Variants in CACNA2D3 observed in about 807,000 individuals in gnomAD.
CACNA2D3 encodes the protein voltage-dependent calcium channel subunit alpha-2/delta-3.
A neutral mutation model predicts 160.6 loss-of-function variants in CACNA2D3; 60 were observed. The observed-to-expected ratio is 0.37, with a 90% CI of 0.30 to 0.46. CACNA2D3 has a LOEUF of 0.46. Among genes scored for constraint, CACNA2D3 ranks in the 20% least tolerant of loss-of-function variants. The pLI, the probability that CACNA2D3 is intolerant of heterozygous loss-of-function variation, is 1.00. For missense variants in CACNA2D3, 1,205 were observed against 1,365.0 expected (o/e 0.88, Z 1.85); for synonymous variants, 558 against 492.9 (o/e 1.13, Z -1.75).
At chr3:55,003,811 T>C (rs1243447867) in intron 31 of CACNA2D3, among the ~76,000 whole-genome samples, 2 of 152,174 alleles carry the variant, frequency 1.3e-5, no homozygotes, top group Admixed American at 6.5e-5. Context: ...GTGAATGAAA[T>C]GTCAGGAAAG....
At chr3:55,064,411 G>C (rs1046685331) in intron 35 of CACNA2D3, among the ~76,000 whole-genome samples, 5 of 152,092 alleles carry the variant, frequency 3.3e-5, no homozygotes, top group African/African-American at 1.2e-4. Context: ...CCGGTGAGGT[G>C]GGGGGCAGGG....
intron 11 of CACNA2D3, among the ~76,000 whole-genome samples, chr3:54,705,491 G>T (rs1187472022): frequency 6.6e-6 from 1 of 152,168 alleles, no homozygotes; most frequent in Non-Finnish European, 1.5e-5. Flanking sequence ...TTGTTGTTCT[G>T]ATTTGCTCCT....
At chr3:54,154,280 A>G (rs1233781724) in intron 2 of CACNA2D3, among the ~76,000 whole-genome samples, 1 of 152,224 alleles carries the variant, frequency 6.6e-6, no homozygotes, top group Non-Finnish European at 1.5e-5. Context: ...CAAGGTACTA[A>G]TCTCAGCACT....
At chr3:54,776,036 C>T (rs758926159) in intron 13 of CACNA2D3, among the ~76,000 whole-genome samples, 58 of 152,274 alleles carry the variant, frequency 3.8e-4, no homozygotes, top group Middle Eastern at 3.4e-3. Context: ...CAGTTGAGAT[C>T]CAAAAAGGAT....
intron 30 of CACNA2D3, among the ~76,000 whole-genome samples, chr3:54,985,432 G>A (rs1702593612): frequency 6.6e-6 from 1 of 152,134 alleles, no homozygotes. Flanking sequence ...ATAAAAAAAG[G>A]TAAAATACAA....
At chr3:54,897,289 T>C (rs143163075) in intron 26 of CACNA2D3, among the ~76,000 whole-genome samples, 31 of 152,318 alleles carry the variant, frequency 2.0e-4, no homozygotes, top group African/African-American at 7.2e-4. Context: ...TATGCCGGAC[T>C]AAGGACTGAC....
chr3:54,471,123 C>T (rs1575475088), intron 4 of CACNA2D3, among the ~76,000 whole-genome samples: 1 of 152,196 alleles, frequency 6.6e-6, no homozygotes, highest in Non-Finnish European at 1.5e-5. Flanking sequence ...CTCAGCACCA[C>T]ATCACACTTA....
chr3:54,292,010 C>A (rs955563975), intron 2 of CACNA2D3, among the ~76,000 whole-genome samples: 3 of 152,036 alleles, frequency 2.0e-5, no homozygotes, highest in African/African-American at 7.2e-5. Context: ...CAGAAACAAA[C>A]CCTCACAAAT....
At chr3:54,246,081 C>G (rs960449529) in intron 2 of CACNA2D3, among the ~76,000 whole-genome samples, 1 of 152,212 alleles carries the variant, frequency 6.6e-6, no homozygotes, top group Non-Finnish European at 1.5e-5. Context: ...ATTTGCTGTT[C>G]ACTACCAGAC....
At chr3:54,749,495 C>T (rs1475474372) in intron 11 of CACNA2D3, among the ~76,000 whole-genome samples, 1 of 152,006 alleles carries the variant, frequency 6.6e-6, no homozygotes, top group Admixed American at 6.5e-5. Flanking sequence ...CCTCTTAGTC[C>T]CCATAAGCAT....
intron 2 of CACNA2D3, among the ~76,000 whole-genome samples, chr3:54,200,346 G>T (rs960208049): frequency 6.6e-6 from 1 of 152,176 alleles, no homozygotes; most frequent in Admixed American, 6.5e-5. Flanking sequence ...CTCATGCTGG[G>T]TAGCTGTTCC....
intron 2 of CACNA2D3, among the ~76,000 whole-genome samples, chr3:54,131,026 G>GC (rs1374305607): frequency 6.6e-6 from 1 of 152,218 alleles, no homozygotes; most frequent in African/African-American, 2.4e-5. Flanking sequence ...AATAAAATAT[G>GC]CAAAGCACTT....
At chr3:54,134,569 C>T (rs1480194862) in intron 2 of CACNA2D3, among the ~76,000 whole-genome samples, 1 of 152,202 alleles carries the variant, frequency 6.6e-6, no homozygotes, top group East Asian at 1.9e-4. Context: ...CCCATTTACT[C>T]TCCAACGCCA....
chr3:55,045,792 GTAATAGA>G (rs149748624), intron 35 of CACNA2D3, among the ~76,000 whole-genome samples: 14,482 of 150,816 alleles, frequency 0.096, 806 homozygotes, highest in African/African-American at 0.14. Context: ...TTTTTACTTT[GTAATAGA>G]TAAAACAGTC....
At chr3:54,912,460 A>G (rs896712733) in intron 27 of CACNA2D3, among the ~76,000 whole-genome samples, 2 of 151,966 alleles carry the variant, frequency 1.3e-5, no homozygotes, top group Admixed American at 1.3e-4. Context: ...TGCCCACTCA[A>G]CCACAGCCAC....
intron 11 of CACNA2D3, among the ~76,000 whole-genome samples, chr3:54,665,913 T>C (rs1700062008): frequency 6.6e-6 from 1 of 151,908 alleles, no homozygotes; most frequent in African/African-American, 2.4e-5. Flanking sequence ...GCGATACTCC[T>C]ACCTCAGCCT....
intron 4 of CACNA2D3, among the ~76,000 whole-genome samples, chr3:54,481,263 T>A (rs997579221): frequency 6.6e-6 from 1 of 152,222 alleles, no homozygotes; most frequent in Non-Finnish European, 1.5e-5. Flanking sequence ...TCATCAGCTT[T>A]CCTCAAACCT....
intron 2 of CACNA2D3, among the ~76,000 whole-genome samples, chr3:54,203,869 C>T (rs997879713): frequency 2.6e-5 from 4 of 152,014 alleles, no homozygotes; most frequent in African/African-American, 9.6e-5. Flanking sequence ...TTTTTATAGG[C>T]CCATGACAGG....
At chr3:54,607,370 A>G (rs1698653396) in intron 9 of CACNA2D3, among the ~76,000 whole-genome samples, 1 of 152,040 alleles carries the variant, frequency 6.6e-6, no homozygotes, top group Non-Finnish European at 1.5e-5. Context: ...CACCCAGGCT[A>G]GAGTGCAGTG....
Sources: gnomAD v4.1 joint callset for allele counts (sites outside exome capture counted in the v4.1 genomes callset) on GRCh38, gnomAD v4.1.1 for gene constraint, MANE v1.5 for transcripts, NCBI Gene and HGNC (gene_info 2026-07-23, HGNC 2026-07-21) for gene names.